Variants in ATP2C1 observed in about 807,000 individuals in gnomAD.
ATP2C1 encodes the protein ATPase secretory pathway Ca2+ transporting 1, also known as calcium-transporting ATPase type 2C member 1.
Under a neutral mutation model 120.5 loss-of-function variants are expected in ATP2C1, and 31 were observed. The observed-to-expected ratio is 0.26, with a 90% CI of 0.19 to 0.35. ATP2C1 has a LOEUF of 0.35. Ranked by LOEUF, ATP2C1 falls within the 10% of genes least tolerant of loss-of-function variation. The pLI, the probability that ATP2C1 is intolerant of heterozygous loss-of-function variation, is 1.00. For synonymous variants in ATP2C1, 351 were observed against 358.7 expected, an observed-to-expected ratio of 0.98 and a Z score of 0.24; for missense variants, 731 against 1,107.5, an observed-to-expected ratio of 0.66 and a Z score of 4.83.
chr3:131,015,161 T>C (rs1219042614), intron 26 of ATP2C1: 1 of 699,724 alleles, frequency 1.4e-6, no homozygotes, highest in East Asian at 2.7e-5. Flanking sequence ...CAACACTGTT[T>C]ACTGCCAGGA....
chr3:130,876,090 T>C (rs150809547), intron 1 of ATP2C1, among the ~76,000 whole-genome samples: 1 of 152,230 alleles, frequency 6.6e-6, no homozygotes, highest in East Asian at 1.9e-4. Context: ...CTCTTCATTT[T>C]GTTGATGATA....
At chr3:130,960,391 C>T (rs866809258) in intron 12 of ATP2C1, among the ~76,000 whole-genome samples, 2 of 152,146 alleles carry the variant, frequency 1.3e-5, no homozygotes, top group South Asian at 2.1e-4. Context: ...TAAAATATCT[C>T]GTGTTCTATG....
Position 130,959,814 on chromosome 3 carries a change from T to G in ATP2C1, c.899+473T>G, listed in dbSNP as rs768731760. On this transcript the variant is annotated intron_variant, in intron 12 of 27. Transcript: ENST00000510168. ...GAGAACAAAAAGAGTTTTTAGAAAT[T>G]AAGATTATGATTGTTGAAATTAAAA... Among the ~76,000 whole-genome samples the G allele has an allele frequency of 2.6e-5, 4 of 151,998 alleles. No homozygotes were observed. In the South Asian group the frequency reaches 8.3e-4, roughly 31 times the overall value.
chr3:131,012,260 C>CT (rs71620100), intron 26 of ATP2C1, among the ~76,000 whole-genome samples: 81,935 of 127,212 alleles, frequency 0.64, 27,138 homozygotes, highest in Non-Finnish European at 0.71. Flanking sequence ...TTTCTTTTTT[C>CT]TTTTTTTTTT....
intron 12 of ATP2C1, 68 bp downstream of exon 12, chr3:130,959,409 C>T (rs1253202524): frequency 7.5e-6 from 8 of 1,061,694 alleles, no homozygotes; most frequent in African/African-American, 4.7e-5. Flanking sequence ...ACATAGCTTA[C>T]GTTTTATTAT....
chr3:130,993,449 T>C (rs1047963771), intron 21 of ATP2C1, among the ~76,000 whole-genome samples: 1 of 152,242 alleles, frequency 6.6e-6, no homozygotes, highest in African/African-American at 2.4e-5. Context: ...TCTTAAGTTA[T>C]GATAGCCAGC....
At position 130,897,099 on chromosome 3, in the gene ATP2C1, AC is replaced by A. The variant is rs1168442500; in HGVS notation, c.6+2326del. ...AATGTTTGATACATACTAATAGGCC[AC>A]CTGGCATTAATATTGTCATGACAGT... On this transcript the variant is annotated intron_variant, in intron 2 of 27. Coordinates refer to ENST00000510168, the MANE Select transcript of ATP2C1 (RefSeq NM_001378687.1). Among the ~76,000 whole-genome samples, 6 of 152,372 alleles carry A rather than the reference AC, an allele frequency of 3.9e-5. No individual in the cohort carries two copies. In the South Asian group the frequency reaches 1.0e-3, roughly 26 times the overall value.
intron 18 of ATP2C1, among the ~76,000 whole-genome samples, chr3:130,976,022 G>C (rs1485498751): frequency 6.6e-6 from 1 of 152,096 alleles, no homozygotes; most frequent in South Asian, 2.1e-4. Context: ...GGGATGTCAT[G>C]TGTAAGACTC....
At chr3:130,960,069 G>GA (rs1241566598) in intron 12 of ATP2C1, among the ~76,000 whole-genome samples, 2 of 152,062 alleles carry the variant, frequency 1.3e-5, no homozygotes. Context: ...AAGCAGAATG[G>GA]AAAAAACTTC....
intron 14 of ATP2C1, among the ~76,000 whole-genome samples, chr3:130,966,002 G>A (rs192733924): frequency 1.4e-4 from 22 of 152,274 alleles, no homozygotes; most frequent in African/African-American, 5.3e-4. Context: ...TCCTGAAGGT[G>A]CTTATGGACA....
downstream of ATP2C1, chr3:131,003,173 A>G: frequency 3.1e-6 from 3 of 980,502 alleles, no homozygotes; most frequent in Non-Finnish European, 3.6e-6. Context: ...GGGGACTATT[A>G]GCATTAAAAT....
In ATP2C1 at chr3:130,955,005, C is replaced by T. The variant is rs1486321468; in HGVS notation, c.688-7C>T. 2 of 1,607,668 alleles carry T rather than the reference C, an allele frequency of 1.2e-6. No individual in the cohort carries two copies. Among genetic ancestry groups the T allele is most frequent in the African/African-American group, 1.3e-5 (1 of 74,502 alleles). ...ATGTAAATGTATTTTCCTGTTTTTC[C>T]CCTTAGGGTGTTGTCATTGGAACAG... On this transcript the variant is annotated splice_polypyrimidine_tract_variant and splice_region_variant and intron_variant, in intron 9 of 27. Coordinates refer to ENST00000510168, the MANE Select transcript of ATP2C1 (RefSeq NM_001378687.1).
At chr3:130,941,258 GTGTGTGT>G (rs1559951797) in intron 7 of ATP2C1, among the ~76,000 whole-genome samples, 4 of 108,258 alleles carry the variant, frequency 3.7e-5, no homozygotes, top group African/African-American at 1.2e-4. Flanking sequence ...GTGTGTGTGT[GTGTGTGT>G]CTGTGTGTGT....
chr3:130,919,685 T>C (rs943202068), intron 2 of ATP2C1, among the ~76,000 whole-genome samples: 3 of 152,324 alleles, frequency 2.0e-5, no homozygotes, highest in African/African-American at 7.2e-5. Context: ...GAGATCCTGA[T>C]TTCATTCTTT....
At chr3:130,980,148 C>A (rs1055769790) in intron 19 of ATP2C1, among the ~76,000 whole-genome samples, 9 of 152,134 alleles carry the variant, frequency 5.9e-5, no homozygotes, top group Non-Finnish European at 1.0e-4. Flanking sequence ...GGACACTGTA[C>A]TTAAAATGCA....
chr3:131,016,311 A>G, exon 27 of ATP2C1: 1 of 1,614,186 alleles, frequency 6.2e-7, no homozygotes, highest in South Asian at 1.1e-5. Flanking sequence ...ACAACATCTT[A>G]GCACCATCTT....
Position 130,905,962 on chromosome 3 carries a change from T to G in ATP2C1, c.6+11187T>G, listed in dbSNP as rs2058101592. 1.3e-5 allele frequency among the ~76,000 whole-genome samples: 2 copies of G among 152,028 alleles called. 1 individual carries two copies. Among genetic ancestry groups the G allele is most frequent in the South Asian group, 4.1e-4 (2 of 4,820 alleles). On this transcript the variant is annotated intron_variant, in intron 2 of 27. Transcript: ENST00000510168. Reference sequence around the variant, plus strand: ...GAAATCATGCCCATCGACTAAATCTTATTTGTTCTGTATGCACAGTTTTAG... The same window carrying G: ...GAAATCATGCCCATCGACTAAATCTGATTTGTTCTGTATGCACAGTTTTAG...
chr3:130,979,159 T>C (rs550795893), intron 18 of ATP2C1, 90 bp from the exon 19 acceptor site: 82 of 1,213,486 alleles, frequency 6.8e-5, no homozygotes, highest in Non-Finnish European at 9.4e-5. Flanking sequence ...ATTTAAGAAG[T>C]GTTACTGTCT....
At chr3:130,871,890 C>T (rs1023758891) in intron 1 of ATP2C1, among the ~76,000 whole-genome samples, 6 of 152,052 alleles carry the variant, frequency 3.9e-5, no homozygotes, top group Admixed American at 3.3e-4. Flanking sequence ...GGCGTGCTGG[C>T]GCGTGCCTAT....
Sources: gnomAD v4.1 joint callset for allele counts (sites outside exome capture counted in the v4.1 genomes callset) on GRCh38, gnomAD v4.1.1 for gene constraint, MANE v1.5 for transcripts, NCBI Gene and HGNC (gene_info 2026-07-23, HGNC 2026-07-21) for gene names.